The following PDE1C variants were observed in gnomAD, a reference collection of about 807,000 sequenced individuals.
The protein encoded by PDE1C is phosphodiesterase 1C, also known as dual specificity calcium/calmodulin-dependent 3',5'-cyclic nucleotide phosphodiesterase 1C.
A neutral mutation model predicts 93.1 loss-of-function variants in PDE1C; 62 were observed. The observed-to-expected ratio is 0.67, with a 90% CI of 0.54 to 0.82. PDE1C has a LOEUF of 0.82. Among genes scored for constraint, PDE1C ranks in the 40% least tolerant of loss-of-function variants. The pLI is 0.00. For missense variants in PDE1C, 742 were observed against 884.6 expected (o/e 0.84, Z 2.04); for synonymous variants, 325 against 310.1 (o/e 1.05, Z -0.50).
chr7:32,211,894 A>ATG, intron 1 of PDE1C, among the ~76,000 whole-genome samples: 1 of 151,776 alleles, frequency 6.6e-6, no homozygotes, highest in Non-Finnish European at 1.5e-5. Flanking sequence ...GGTGTGGTGG[A>ATG]GCATGCCTGT....
rs367722761 is a variant in PDE1C, at chr7:31,836,437, C to T, written c.1203+743G>A. Among the ~76,000 whole-genome samples the T allele has an allele frequency of 3.9e-5, 6 of 152,180 alleles. No individual in the cohort carries two copies. In the South Asian group the frequency reaches 6.2e-4, roughly 16 times the overall value. On this transcript the variant is annotated intron_variant, in intron 11 of 17. Coordinates refer to ENST00000396191, the MANE Select transcript of PDE1C (RefSeq NM_001191057.4). ...GCAACCTCCATCTCCTGGGTTCAAG[C>T]GATTCTCCTGCCTCAGCCTCTCAAG...
chr7:31,704,409 C>A, the PDE1C span, among the ~76,000 whole-genome samples: 2 of 152,174 alleles, frequency 1.3e-5, no homozygotes, highest in Non-Finnish European at 2.9e-5. Flanking sequence ...GACTGGCAGT[C>A]TTGGTCTTAA....
chr7:31,776,932 T>C (rs920902536), intron 16 of PDE1C, among the ~76,000 whole-genome samples: 2 of 138,260 alleles, frequency 1.4e-5, no homozygotes, highest in East Asian at 4.4e-4. Flanking sequence ...GCTGTGCTGA[T>C]TGAGAAGACC....
intron 2 of PDE1C, among the ~76,000 whole-genome samples, chr7:32,042,358 G>T (rs116774192): frequency 0.012 from 1,900 of 152,226 alleles, 54 homozygotes; most frequent in African/African-American, 0.043. Context: ...GGGATAGAAA[G>T]AACTCAAGAA....
chr7:31,856,318 A>G (rs1257168080), intron 7 of PDE1C, among the ~76,000 whole-genome samples: 1 of 152,216 alleles, frequency 6.6e-6, no homozygotes, highest in Non-Finnish European at 1.5e-5. Context: ...CATTTCAAAG[A>G]GAGAGTAGGT....
intron 3 of PDE1C, among the ~76,000 whole-genome samples, chr7:32,144,786 G>A (rs990469607): frequency 7.2e-5 from 11 of 152,118 alleles, no homozygotes; most frequent in African/African-American, 2.2e-4. Context: ...TTTATTCTTC[G>A]AGCTGCTGGG....
In PDE1C at chr7:32,047,067, G is replaced by GTT. The variant is rs1344882425; in HGVS notation, c.128+4486_128+4487insAA. ...TGTGTGTGTGTGCGAGACAGAGTGT[G>GTT]TGTGTGTGTGTGTGTGTGTGTGTGT... On this transcript the variant is annotated intron_variant, in intron 2 of 17. Coordinates refer to ENST00000396191, the MANE Select transcript of PDE1C (RefSeq NM_001191057.4). Among the ~76,000 whole-genome samples the GTT allele has an allele frequency of 7.5e-5, 8 of 106,134 alleles. 1 individual carries two copies. The South Asian group carries it at 1.4e-3, about 19-fold the overall frequency. The allele number at this position is 106,134 out of a possible 152,430, so 69.6% of individuals were successfully genotyped here.
chr7:31,994,494 G>A (rs1784492699), intron 2 of PDE1C, among the ~76,000 whole-genome samples: 2 of 152,246 alleles, frequency 1.3e-5, no homozygotes, highest in South Asian at 4.2e-4. Context: ...ATAAGTGCAA[G>A]ATTTTAAATA....
intron 1 of PDE1C, among the ~76,000 whole-genome samples, chr7:32,379,527 C>A (rs1013954004): frequency 6.6e-6 from 1 of 152,140 alleles, no homozygotes; most frequent in Non-Finnish European, 1.5e-5. Flanking sequence ...CCAATTCCAC[C>A]CCTACAAGAG....
intron 9 of PDE1C, among the ~76,000 whole-genome samples, chr7:31,847,630 T>G (rs901344073): frequency 2.0e-5 from 3 of 152,138 alleles, no homozygotes; most frequent in Non-Finnish European, 4.4e-5. Context: ...TCTTTGAGAA[T>G]TTTTAGGACA....
At chr7:31,685,002 G>A in the PDE1C span, among the ~76,000 whole-genome samples, 1 of 152,134 alleles carries the variant, frequency 6.6e-6, no homozygotes, top group Non-Finnish European at 1.5e-5. Context: ...CAATCCAGGT[G>A]TATATACAAG....
intron 17 of PDE1C, among the ~76,000 whole-genome samples, chr7:31,774,687 T>C (rs1052781716): frequency 6.6e-6 from 1 of 152,202 alleles, no homozygotes; most frequent in South Asian, 2.1e-4. Context: ...TACTGAAATA[T>C]TTGTTGAAGT....
At chr7:31,661,817 ATTAAT>A in the PDE1C span, among the ~76,000 whole-genome samples, 1 of 152,116 alleles carries the variant, frequency 6.6e-6, no homozygotes, top group East Asian at 1.9e-4. Context: ...TCATTACTTC[ATTAAT>A]TTATTTCCCT....
chr7:31,734,331 G>A, the PDE1C span, among the ~76,000 whole-genome samples: 4 of 152,298 alleles, frequency 2.6e-5, no homozygotes, highest in East Asian at 7.7e-4. Flanking sequence ...AGGGGCCCCA[G>A]AGGTTGGCAA....
chr7:32,371,222 C>G (rs1200813867), intron 1 of PDE1C, among the ~76,000 whole-genome samples: 1 of 152,138 alleles, frequency 6.6e-6, no homozygotes, highest in Non-Finnish European at 1.5e-5. Context: ...CTTGTTTTTG[C>G]CTACCCAACT....
the PDE1C span, among the ~76,000 whole-genome samples, chr7:31,621,578 G>A: frequency 6.8e-6 from 1 of 146,986 alleles, no homozygotes; most frequent in Admixed American, 6.8e-5. Flanking sequence ...TCACCACCAG[G>A]CCTGCCCTAA....
At chr7:32,050,998 A>T (rs568387204) in intron 2 of PDE1C, among the ~76,000 whole-genome samples, 2 of 151,914 alleles carry the variant, frequency 1.3e-5, no homozygotes, top group Admixed American at 1.3e-4. Context: ...TATGCCAAAG[A>T]GTGCAAAGCA....
chr7:32,084,024 A>G (rs552877884), intron 3 of PDE1C, among the ~76,000 whole-genome samples: 1 of 151,770 alleles, frequency 6.6e-6, no homozygotes, highest in Non-Finnish European at 1.5e-5. Context: ...ATGTAAATGG[A>G]CTAAATGCTC....
chr7:31,875,503 C>T (rs796291102), intron 5 of PDE1C, among the ~76,000 whole-genome samples: 4 of 151,928 alleles, frequency 2.6e-5, no homozygotes, highest in African/African-American at 4.8e-5. Context: ...GCCTGGAATC[C>T]GCATTTTTAA....
Sources: allele counts gnomAD v4.1 joint callset (sites outside exome capture counted in the v4.1 genomes callset), GRCh38; gene constraint gnomAD v4.1.1; transcripts MANE v1.5; gene names NCBI Gene and HGNC (gene_info 2026-07-23, HGNC 2026-07-21).